Variants in UGGT2 observed in about 807,000 individuals in gnomAD.
UGGT2 encodes UDP-glucose glycoprotein glucosyltransferase 2, also known as UDP-glucose:glycoprotein glucosyltransferase 2.
A neutral mutation model predicts 192.1 loss-of-function variants in UGGT2; 180 were observed. The observed-to-expected ratio is 0.94, with a 90% CI of 0.83 to 1.06. The LOEUF (loss-of-function observed/expected upper bound fraction) is 1.06, where lower values mean the gene tolerates loss of function less well. UGGT2 is among the 50% of genes least tolerant of loss of function. The pLI is 0.00. For missense variants in UGGT2, 1,849 were observed against 1,795.7 expected (o/e 1.03, Z -0.54); for synonymous variants, 580 against 591.0 (o/e 0.98, Z 0.27).
At chr13:95,909,148 T>A (rs1316146132) in intron 20 of UGGT2, among the ~76,000 whole-genome samples, 1 of 152,114 alleles carries the variant, frequency 6.6e-6, no homozygotes, top group Non-Finnish European at 1.5e-5. Context: ...AGGGATCCAG[T>A]TTCAGCTTTC....
intron 4 of UGGT2, among the ~76,000 whole-genome samples, chr13:96,017,344 T>C (rs1156267169): frequency 6.6e-6 from 1 of 152,126 alleles, no homozygotes; most frequent in African/African-American, 2.4e-5. Context: ...TGAAATGCAA[T>C]TCCCAGGGGC....
At chr13:95,909,398 T>G (rs1274445437) in intron 20 of UGGT2, among the ~76,000 whole-genome samples, 1 of 151,812 alleles carries the variant, frequency 6.6e-6, no homozygotes, top group East Asian at 1.9e-4. Context: ...GTGGCACGTA[T>G]ACACCATGGA....
At chr13:95,830,547 A>G (rs1169108147) in intron 38 of UGGT2, among the ~76,000 whole-genome samples, 1 of 152,234 alleles carries the variant, frequency 6.6e-6, no homozygotes, top group Non-Finnish European at 1.5e-5. Flanking sequence ...ATCACTGGTC[A>G]TTAGAGAAAT....
intron 38 of UGGT2, among the ~76,000 whole-genome samples, chr13:95,815,468 A>C: frequency 6.6e-6 from 1 of 152,216 alleles, no homozygotes; most frequent in Non-Finnish European, 1.5e-5. Flanking sequence ...CAAGAAATTT[A>C]AAAATACCAT....
chr13:95,912,190 T>C lies in UGGT2; in HGVS notation c.2296-9130A>G, dbSNP rs563050046. Among the ~76,000 whole-genome samples, 465 of 151,604 alleles carry C rather than the reference T, an allele frequency of 3.1e-3. 4 individuals carry two copies. Among genetic ancestry groups the C allele is most frequent in the African/African-American group, 0.01 (415 of 41,380 alleles). ...GAAAACGGGCACAAGACAGGGATGC[T>C]CTCTCTCACCACTCCTATTCAACAT... On this transcript the variant is annotated intron_variant, in intron 20 of 38. Coordinates refer to ENST00000376747, the MANE Select transcript of UGGT2 (RefSeq NM_020121.4).
At chr13:95,861,195 T>C (rs968649946) in intron 31 of UGGT2, among the ~76,000 whole-genome samples, 8 of 152,090 alleles carry the variant, frequency 5.3e-5, no homozygotes, top group East Asian at 1.9e-4. Flanking sequence ...GACATGGCCA[T>C]ATCTAGTGTA....
intron 5 of UGGT2, among the ~76,000 whole-genome samples, chr13:96,009,466 A>T (rs2052085629): frequency 6.6e-6 from 1 of 152,226 alleles, no homozygotes; most frequent in South Asian, 2.1e-4. Flanking sequence ...TAATATCCAG[A>T]ATCTACAAGG....
At chr13:96,007,004 T>C (rs1045862392) in intron 5 of UGGT2, among the ~76,000 whole-genome samples, 1 of 152,130 alleles carries the variant, frequency 6.6e-6, no homozygotes, top group Non-Finnish European at 1.5e-5. Flanking sequence ...AAGAAAACTA[T>C]ATGCCAATAT....
Position 95,856,057 on chromosome 13 carries a change from A to C in UGGT2, c.4008+101T>G, listed in dbSNP as rs966345472. On this transcript the variant is annotated intron_variant, in intron 34 of 38. Transcript: ENST00000376747. ...TCACAATCGTATCTTAAGCACCGTAATGAAGATAATAAACATGAGCAACAT... is the reference window on the plus strand; with the variant it reads ...TCACAATCGTATCTTAAGCACCGTACTGAAGATAATAAACATGAGCAACAT... The C allele has an allele frequency of 2.6e-4, 261 of 988,486 alleles. 2 individuals carry two copies. Among genetic ancestry groups the C allele is most frequent in the Admixed American group, 3.0e-5 (1 of 33,410 alleles). 61.2% of individuals were successfully genotyped at this position (988,486 alleles called of 1,614,324 possible).
At chr13:95,915,510 C>T (rs2048654373) in intron 20 of UGGT2, among the ~76,000 whole-genome samples, 1 of 152,202 alleles carries the variant, frequency 6.6e-6, no homozygotes. Context: ...AATACTTAGA[C>T]AGTAAATGAA....
intron 29 of UGGT2, among the ~76,000 whole-genome samples, chr13:95,871,335 T>TA (rs1357794604): frequency 2.0e-5 from 3 of 152,002 alleles, no homozygotes; most frequent in Non-Finnish European, 4.4e-5. Flanking sequence ...ATAAAGCATA[T>TA]AAAAATGTTC....
intron 37 of UGGT2, among the ~76,000 whole-genome samples, chr13:95,836,734 A>T (rs540233611): frequency 6.6e-6 from 1 of 152,208 alleles, no homozygotes; most frequent in South Asian, 2.1e-4. Context: ...GTCCCGTGTG[A>T]TATCACAGAG....
intron 17 of UGGT2, among the ~76,000 whole-genome samples, chr13:95,932,794 T>G (rs1279056864): frequency 6.6e-6 from 1 of 152,216 alleles, no homozygotes; most frequent in Admixed American, 6.5e-5. Flanking sequence ...GTTTTTATCA[T>G]GAAGGGATGT....
In UGGT2 at chr13:95,869,957, A is replaced by C. The variant is rs1255287265; in HGVS notation, c.3474-2534T>G. Among the ~76,000 whole-genome samples, 3 of 152,240 alleles carry C rather than the reference A, an allele frequency of 2.0e-5. No individual in the cohort carries two copies. In the South Asian group the frequency reaches 6.2e-4, roughly 32 times the overall value. On this transcript the variant is annotated intron_variant, in intron 29 of 38. Coordinates refer to ENST00000376747, the MANE Select transcript of UGGT2 (RefSeq NM_020121.4). The stretch of plus-strand genomic sequence containing the variant: ...TACATGTGTCTCCTGAAATTCTAAA[A>C]AACAATTTATATTTTCAGAGAAGAA...
intron 33 of UGGT2, among the ~76,000 whole-genome samples, chr13:95,856,877 G>A (rs1439394664): frequency 5.9e-5 from 9 of 152,206 alleles, no homozygotes; most frequent in South Asian, 2.1e-4. Flanking sequence ...ATTATGGTCT[G>A]AATATTTCAT....
chr13:95,894,487 C>T, intron 24 of UGGT2, 75 bp downstream of exon 24: 1 of 1,206,178 alleles, frequency 8.3e-7, no homozygotes, highest in Non-Finnish European at 1.2e-6. Flanking sequence ...TAAATTTTAC[C>T]ATGTTATGAA....
chr13:95,895,173 T>C lies in UGGT2; in HGVS notation c.2759+7A>G, dbSNP rs1399806559. On this transcript the variant is annotated splice_region_variant and intron_variant, in intron 23 of 38. Coordinates refer to ENST00000376747, the MANE Select transcript of UGGT2 (RefSeq NM_020121.4). Reference sequence around the variant, plus strand: ...AAATGAATTGCTCTTAGAACTTATATACTCACTTATTTGCGTTGATTCCCA... The same window carrying C: ...AAATGAATTGCTCTTAGAACTTATACACTCACTTATTTGCGTTGATTCCCA... 1.3e-6 allele frequency: 2 copies of C among 1,573,820 alleles called. No homozygotes were observed. The highest frequency in any genetic ancestry group is 1.2e-5 in the South Asian group (1 of 83,270).
At chr13:96,043,212 T>A (rs2053214614) in intron 1 of UGGT2, among the ~76,000 whole-genome samples, 1 of 152,204 alleles carries the variant, frequency 6.6e-6, no homozygotes, top group Non-Finnish European at 1.5e-5. Context: ...GGGCCCTATC[T>A]TCTGCCTCTT....
Position 96,013,315 on chromosome 13 carries a change from A to G in UGGT2, c.652T>C (p.Tyr218His). 2 of 1,583,308 alleles carry G rather than the reference A, an allele frequency of 1.3e-6. No individual in the cohort carries two copies. Among genetic ancestry groups the G allele is most frequent in the Non-Finnish European group, 1.7e-6 (2 of 1,171,624 alleles). The change falls in exon 5 of 39, where the codon TAT becomes CAT. Residue 218 changes from tyrosine to histidine, a missense_variant. Coordinates refer to ENST00000376747, the MANE Select transcript of UGGT2 (RefSeq NM_020121.4). ...NEEILYVLRH[Y>H]IQKPSSRKMY... Reference sequence around the variant, plus strand: ...AAAAAACAAGCGCATACCTGAATATAATGGCGAAGAACATACAGAATTTCC... The same window carrying G: ...AAAAAACAAGCGCATACCTGAATATGATGGCGAAGAACATACAGAATTTCC...
Sources: gnomAD v4.1 joint callset for allele counts (sites outside exome capture counted in the v4.1 genomes callset) on GRCh38, gnomAD v4.1.1 for gene constraint, MANE v1.5 for transcripts, NCBI Gene and HGNC (gene_info 2026-07-23, HGNC 2026-07-21) for gene names.